CRISPLD1: variants seen among roughly 807,000 people sequenced by gnomAD.
CRISPLD1 encodes the protein cysteine-rich secretory protein LCCL domain-containing 1.
CRISPLD1 carries 60 observed loss-of-function variants against 77.5 expected under a neutral mutation model. That is an observed-to-expected ratio of 0.77 (90% CI 0.63 to 0.96). The LOEUF (loss-of-function observed/expected upper bound fraction) is 0.96. CRISPLD1 is among the 40% of genes least tolerant of loss of function. The pLI is 0.00. For synonymous variants in CRISPLD1, 195 were observed against 200.1 expected (o/e 0.97, Z 0.22); for missense variants, 623 against 615.8 (o/e 1.01, Z -0.12).
At chr8:75,011,040 T>C (rs973527213) in intron 2 of CRISPLD1, among the ~76,000 whole-genome samples, 1 of 151,990 alleles carries the variant, frequency 6.6e-6, no homozygotes, top group African/African-American at 2.4e-5. Context: ...AGTAGTATCA[T>C]CGGTCTTACC....
rs537037050 is a variant in CRISPLD1 at position 74,997,099 on chromosome 8, A to G, written c.258+10854A>G. 3.4e-4 allele frequency among the ~76,000 whole-genome samples: 52 copies of G among 152,278 alleles called. No individual in the cohort carries two copies. The South Asian group carries it at 4.8e-3, about 14-fold the overall frequency. On this transcript the variant is annotated intron_variant, in intron 2 of 14. Transcript: ENST00000262207. ...GGAAAAGCACTGGACAGTTTCTCACAAGGGACTGACTTGCTCTTATTTCCA... is the reference window on the plus strand; with the variant it reads ...GGAAAAGCACTGGACAGTTTCTCACGAGGGACTGACTTGCTCTTATTTCCA...
At chr8:75,010,179 T>G (rs369767859) in intron 2 of CRISPLD1, among the ~76,000 whole-genome samples, 1 of 152,140 alleles carries the variant, frequency 6.6e-6, no homozygotes, top group South Asian at 2.1e-4. Flanking sequence ...AATAAACTTA[T>G]TCTAATTTTG....
chr8:75,021,594 A>AT (rs1813136775), intron 12 of CRISPLD1, among the ~76,000 whole-genome samples: 1 of 152,190 alleles, frequency 6.6e-6, no homozygotes, highest in Non-Finnish European at 1.5e-5. Flanking sequence ...TATTTTTGTG[A>AT]TAAAAATACA....
chr8:75,010,013 A>G (rs1440610357), intron 2 of CRISPLD1, among the ~76,000 whole-genome samples: 19 of 152,142 alleles, frequency 1.2e-4, no homozygotes, highest in Non-Finnish European at 7.4e-5. Context: ...TCTGATGTCC[A>G]TGTCTTAAAA....
chr8:74,989,918 T>C (rs1329232767), intron 2 of CRISPLD1, among the ~76,000 whole-genome samples: 1 of 152,144 alleles, frequency 6.6e-6, no homozygotes, highest in African/African-American at 2.4e-5. Flanking sequence ...GCAGTGTCGC[T>C]CAGCCATAAA....
chr8:74,994,050 A>G (rs1812613199), intron 2 of CRISPLD1, among the ~76,000 whole-genome samples: 1 of 152,226 alleles, frequency 6.6e-6, no homozygotes, highest in Non-Finnish European at 1.5e-5. Context: ...CGACATATGA[A>G]TAGCATGATC....
chr8:74,998,343 G>A (rs1812677258), intron 2 of CRISPLD1, among the ~76,000 whole-genome samples: 1 of 152,016 alleles, frequency 6.6e-6, no homozygotes, highest in Admixed American at 6.6e-5. Context: ...TCAAATGTAT[G>A]GGAAGTTTTT....
At position 74,984,636 on chromosome 8, in the gene CRISPLD1, T is replaced by A. The variant is rs1017839450; in HGVS notation, c.-347T>A. On this transcript the variant is annotated 5_prime_UTR_variant, in exon 1 of 15. Transcript: ENST00000262207. ...TCCTGCAGCTACTGCTCAGAAACGC[T>A]GGGGCGCCCACCCTGGCAGACTAAC... The A allele has an allele frequency of 1.3e-5, 2 of 152,492 alleles. No homozygotes were observed. The highest frequency in any genetic ancestry group is 2.9e-5 in the Non-Finnish European group (2 of 68,268). The allele number at this position is 152,492 out of a possible 1,614,324, so 9.4% of individuals were successfully genotyped here.
At chr8:74,994,649 C>T (rs957715812) in intron 2 of CRISPLD1, among the ~76,000 whole-genome samples, 1 of 152,154 alleles carries the variant, frequency 6.6e-6, no homozygotes, top group Admixed American at 6.5e-5. Context: ...CCTCTCAAAA[C>T]GCAATCTGCT....
At chr8:75,025,237 C>G (rs1330958061) in intron 12 of CRISPLD1, among the ~76,000 whole-genome samples, 1 of 152,162 alleles carries the variant, frequency 6.6e-6, no homozygotes, top group Non-Finnish European at 1.5e-5. Flanking sequence ...CTAAATTCTA[C>G]AGATACATTG....
At position 75,029,398 on chromosome 8, in the gene CRISPLD1, C is replaced by G. The variant is rs1223147691; in HGVS notation, c.1332C>G (p.Ile444Met). The G allele has an allele frequency of 1.9e-6, 3 of 1,613,000 alleles. No individual in the cohort carries two copies. Among genetic ancestry groups the G allele is most frequent in the Non-Finnish European group, 2.5e-6 (3 of 1,179,464 alleles). The change falls in exon 14 of 15, where the codon ATC becomes ATG. Residue 444 changes from isoleucine (I) to methionine (M), a missense_variant. By Grantham distance (10) the Ile-to-Met change is conservative. Coordinates refer to ENST00000262207, the MANE Select transcript of CRISPLD1 (RefSeq NM_031461.6). ...CTTTACCTTCTCAGCTGTCCAGTAT[C>G]TGCAGAGCAGCAGTACATGCTGGAG... is the stretch of plus-strand genomic sequence containing the variant. ...GTRVYSDLSS[I>M]CRAAVHAGVV...
chr8:74,994,945 A>T (rs141707702), intron 2 of CRISPLD1, among the ~76,000 whole-genome samples: 1 of 152,226 alleles, frequency 6.6e-6, no homozygotes, highest in East Asian at 1.9e-4. Flanking sequence ...AGTGTGAGAC[A>T]TATTAAAATT....
intron 12 of CRISPLD1, among the ~76,000 whole-genome samples, chr8:75,021,988 C>T (rs1020345451): frequency 5.3e-5 from 8 of 151,978 alleles, no homozygotes; most frequent in African/African-American, 1.9e-4. Context: ...AGTAGATGCT[C>T]AATAAAGGGT....
intron 12 of CRISPLD1, among the ~76,000 whole-genome samples, chr8:75,020,589 A>G (rs1244652825): frequency 6.6e-6 from 1 of 152,148 alleles, no homozygotes; most frequent in Non-Finnish European, 1.5e-5. Context: ...TGAGGACCCT[A>G]CCCTTATGAC....
intron 2 of CRISPLD1, among the ~76,000 whole-genome samples, 199 bp from the exon 3 acceptor site, chr8:75,012,234 G>T (rs373949129): frequency 6.6e-6 from 1 of 152,078 alleles, no homozygotes; most frequent in East Asian, 1.9e-4. Flanking sequence ...AATTTGGAGG[G>T]TTAAGAGGTA....
At chr8:75,028,891 G>T (rs1813281999) in intron 13 of CRISPLD1, among the ~76,000 whole-genome samples, 1 of 152,042 alleles carries the variant, frequency 6.6e-6, no homozygotes, top group Non-Finnish European at 1.5e-5. Context: ...CCCATTTCTT[G>T]TATTTTGGAA....
intron 13 of CRISPLD1, among the ~76,000 whole-genome samples, chr8:75,028,167 G>A (rs1215535247): frequency 4.6e-5 from 7 of 152,174 alleles, no homozygotes; most frequent in African/African-American, 7.2e-5. Flanking sequence ...TAATTCAATG[G>A]GACTTTAAGT....
At position 74,984,587 on chromosome 8, in the gene CRISPLD1, C is replaced by T. The variant is rs1176117710; in HGVS notation, c.-396C>T. The T allele has an allele frequency of 2.0e-5, 3 of 152,688 alleles. No individual in the cohort carries two copies. 9.5% of individuals were successfully genotyped at this position (152,688 alleles called of 1,614,324 possible). On this transcript the variant is annotated 5_prime_UTR_variant, in exon 1 of 15. Coordinates refer to ENST00000262207, the MANE Select transcript of CRISPLD1 (RefSeq NM_031461.6). ...TCGCCGCCAGCCTCCGCCGCCGAGC[C>T]TCGTTCGTGTCCCCGCCCCTCGCTC...
At chr8:75,031,357 T>C (rs910015868) in intron 14 of CRISPLD1, among the ~76,000 whole-genome samples, 19 of 152,256 alleles carry the variant, frequency 1.2e-4, no homozygotes, top group African/African-American at 4.1e-4. Context: ...AATAAAACTT[T>C]ATGTAAAAGC....
Sources: gnomAD v4.1 joint callset for allele counts (sites outside exome capture counted in the v4.1 genomes callset) on GRCh38, gnomAD v4.1.1 for gene constraint, MANE v1.5 for transcripts, NCBI Gene and HGNC (gene_info 2026-07-23, HGNC 2026-07-21) for gene names.